Variants in PCDHGB4 observed in about 807,000 individuals in gnomAD.
The protein encoded by PCDHGB4 is protocadherin gamma subfamily B, 4.
A neutral mutation model predicts 60.5 loss-of-function variants in PCDHGB4; 38 were observed. The ratio of observed to expected loss-of-function variants is 0.63; its 90% CI spans 0.48 to 0.82. PCDHGB4 has a LOEUF of 0.82. Ranked by LOEUF, PCDHGB4 falls within the 40% of genes least tolerant of loss-of-function variation. PCDHGB4 has a pLI of 0.00. For synonymous variants in PCDHGB4, 456 were observed against 509.7 expected, an observed-to-expected ratio of 0.89 and a Z score of 1.42; for missense variants, 1,109 against 1,209.6, an observed-to-expected ratio of 0.92 and a Z score of 1.23.
rs1167955962 is a variant in PCDHGB4, at chr5:141,477,078, A to G, written c.2398-17729A>G. ...GAGGACACCAAACTCCATGAGATTT[A>G]CATCCAGGCCAAAGACAAGGGCGCC... On this transcript the variant is annotated intron_variant, in intron 1 of 3. Transcript: ENST00000519479. This position sits in a 1 kb window ranked among gnomAD's most constrained non-coding sequence, Gnocchi z 4.9. The G allele has an allele frequency of 6.8e-6, 11 of 1,614,262 alleles. No individual in the cohort carries two copies. In the South Asian group the frequency reaches 1.2e-4, roughly 18 times the overall value.
At position 141,486,960 on chromosome 5, in the gene PCDHGB4, T is replaced by C; in HGVS notation, c.2398-7847T>C. On this transcript the variant is annotated intron_variant, in intron 1 of 3. Transcript: ENST00000519479. The surrounding 1 kb of genome is among the most constrained non-coding windows in gnomAD (Gnocchi z 5.0). Reference sequence around the variant, plus strand: ...CACCTAATCACAAAGGTGACTGCTGTGGACTTGGATTCAGGTTACAATGCT... The same window carrying C: ...CACCTAATCACAAAGGTGACTGCTGCGGACTTGGATTCAGGTTACAATGCT... The C allele has an allele frequency of 6.2e-7, 1 of 1,614,228 alleles. No individual in the cohort carries two copies. Among genetic ancestry groups the C allele is most frequent in the Non-Finnish European group, 8.5e-7 (1 of 1,180,034 alleles).
At position 141,511,219 on chromosome 5, in the gene PCDHGB4, G is replaced by A. The variant is rs1467284181; in HGVS notation, c.*46G>A. On this transcript the variant is annotated 3_prime_UTR_variant, in exon 4 of 4. Coordinates refer to ENST00000519479, the MANE Select transcript of PCDHGB4 (RefSeq NM_003736.4). ...CCACAGGGCGGCCTCTCCCCAACCA[G>A]CCCAGCTTCTCCTTACCTGCACCCA... 5 of 1,606,366 alleles carry A rather than the reference G, an allele frequency of 3.1e-6. No individual in the cohort carries two copies. The highest frequency in any genetic ancestry group is 2.7e-5 in the African/African-American group (2 of 74,686).
intron 1 of PCDHGB4, chr5:141,415,641 TAAA>T: frequency 7.8e-7 from 1 of 1,280,840 alleles, no homozygotes; most frequent in African/African-American, 1.5e-5. Context: ...TTACTTTTGT[TAAA>T]AAAAAAAAGA....
intron 1 of PCDHGB4, chr5:141,423,090 G>GT (rs2096707772): frequency 2.5e-6 from 4 of 1,613,904 alleles, no homozygotes; most frequent in African/African-American, 2.7e-5. Flanking sequence ...TCGCGGTGGG[G>GT]GAGCACACGG....
intron 1 of PCDHGB4, chr5:141,418,184 G>A: frequency 6.2e-7 from 1 of 1,614,096 alleles, no homozygotes; most frequent in Non-Finnish European, 8.5e-7. Flanking sequence ...ATTGGAAGCT[G>A]TGGTGGAAAA....
chr5:141,417,842 C>G (rs1247720013), intron 1 of PCDHGB4: 2 of 1,537,166 alleles, frequency 1.3e-6, no homozygotes, highest in Admixed American at 2.0e-5. Flanking sequence ...GGGGACCCAG[C>G]GAGAACCCGA....
In PCDHGB4 at chr5:141,476,599, TC is replaced by T; in HGVS notation, c.2398-18205del. The T allele has an allele frequency of 6.2e-7, 1 of 1,614,210 alleles. No individual in the cohort carries two copies. ...GCTTTCCGCTCGAGAGCGCGCACGA[TC>T]CCGATGTGGGAAGCAACTCTTTACA... is the stretch of plus-strand genomic sequence containing the variant. On this transcript the variant is annotated intron_variant, in intron 1 of 3. Transcript: ENST00000519479. This position sits in a 1 kb window ranked among gnomAD's most constrained non-coding sequence, Gnocchi z 7.6.
chr5:141,407,947 G>C (rs910743144), intron 1 of PCDHGB4: 7 of 561,352 alleles, frequency 1.2e-5, no homozygotes, highest in South Asian at 3.4e-5. Context: ...CGCCGCTGTC[G>C]GCCAGTGCAG....
chr5:141,466,450 G>A lies in PCDHGB4; in HGVS notation c.2398-28357G>A, dbSNP rs139024933. Reference sequence around the variant, plus strand: ...TAAGCTGAACCGAGATGTCTATGGTGTTGGCTATTGTTTCTGCTGTTAATT... The same window carrying A: ...TAAGCTGAACCGAGATGTCTATGGTATTGGCTATTGTTTCTGCTGTTAATT... On this transcript the variant is annotated intron_variant, in intron 1 of 3. Coordinates refer to ENST00000519479, the MANE Select transcript of PCDHGB4 (RefSeq NM_003736.4). Among the ~76,000 whole-genome samples, 714 of 152,290 alleles carry A rather than the reference G, an allele frequency of 4.7e-3. 2 individuals are homozygous for A. Among genetic ancestry groups the A allele is most frequent in the Non-Finnish European group, 7.0e-3 (479 of 68,028 alleles).
chr5:141,478,635 A>T, intron 1 of PCDHGB4: 1 of 1,552,830 alleles, frequency 6.4e-7, no homozygotes, highest in Non-Finnish European at 8.7e-7. Context: ...TTTTTTAGTG[A>T]TGAAGATGTT....
intron 1 of PCDHGB4, chr5:141,404,821 A>C: frequency 6.2e-7 from 1 of 1,613,788 alleles, no homozygotes; most frequent in Non-Finnish European, 8.5e-7. Flanking sequence ...GGCTGCACAC[A>C]GGTGAAGTGC....
At chr5:141,499,343 G>C (rs1184175548) in intron 2 of PCDHGB4, among the ~76,000 whole-genome samples, 1 of 152,146 alleles carries the variant, frequency 6.6e-6, no homozygotes, top group Non-Finnish European at 1.5e-5. Context: ...AGTTTGGGCA[G>C]TCATTCAACA....
rs552812176 is a variant in PCDHGB4, at chr5:141,497,407, A to G, written c.2456+2542A>G. Among the ~76,000 whole-genome samples, 43 of 152,204 alleles carry G rather than the reference A, an allele frequency of 2.8e-4. No individual in the cohort carries two copies. In the Middle Eastern group the frequency reaches 0.01, roughly 36 times the overall value. The stretch of plus-strand genomic sequence containing the variant: ...GCACCTTACCCCTGCCTCAACTCCC[A>G]TTCCATCAAATGAGAGGCTTAGTGG... On this transcript the variant is annotated intron_variant, in intron 2 of 3. Coordinates refer to ENST00000519479, the MANE Select transcript of PCDHGB4 (RefSeq NM_003736.4).
intron 1 of PCDHGB4, among the ~76,000 whole-genome samples, chr5:141,472,122 G>A (rs898092092): frequency 6.6e-6 from 1 of 152,176 alleles, no homozygotes; most frequent in African/African-American, 2.4e-5. Flanking sequence ...GAAAATAAAA[G>A]AGAAGTTAAA....
Position 141,487,226 on chromosome 5 carries a change from G to A in PCDHGB4, c.2398-7581G>A. ...TCGAGAATCTTCAGCTCCAAGGGAA[G>A]GAGAATCTCGTCTAACCCTCTACTT... is the stretch of plus-strand genomic sequence containing the variant. On this transcript the variant is annotated intron_variant, in intron 1 of 3. Transcript: ENST00000519479. This position sits in a 1 kb window ranked among gnomAD's most constrained non-coding sequence, Gnocchi z 5.0. The A allele has an allele frequency of 6.2e-7, 1 of 1,614,104 alleles. No individual in the cohort carries two copies. Among genetic ancestry groups the A allele is most frequent in the South Asian group, 1.1e-5 (1 of 91,074 alleles).
chr5:141,422,043 G>A (rs1307532347), intron 1 of PCDHGB4: 13 of 1,611,504 alleles, frequency 8.1e-6, no homozygotes, highest in African/African-American at 1.3e-5. Flanking sequence ...ATCCAGACGA[G>A]GGAATCAACG....
chr5:141,495,465 G>T (rs563411010), intron 2 of PCDHGB4, among the ~76,000 whole-genome samples: 11 of 152,298 alleles, frequency 7.2e-5, no homozygotes, highest in African/African-American at 2.4e-4. Flanking sequence ...TGTCTGTGGG[G>T]TCTCCGTGTC....
At chr5:141,478,039 G>A (rs764777183) in intron 1 of PCDHGB4, 29 of 1,613,978 alleles carry the variant, frequency 1.8e-5, no homozygotes, top group Non-Finnish European at 2.5e-5. Flanking sequence ...ATTCACCCAG[G>A]CAGACTCTCA....
chr5:141,460,981 G>GTA (rs1491204135), intron 1 of PCDHGB4, among the ~76,000 whole-genome samples: 1,658 of 121,856 alleles, frequency 0.014, 27 homozygotes, highest in African/African-American at 0.051. Flanking sequence ...GTGTGTGTGT[G>GTA]TGTATATATA....
Sources: allele counts gnomAD v4.1 joint callset (sites outside exome capture counted in the v4.1 genomes callset), GRCh38; gene constraint gnomAD v4.1.1; non-coding constraint Gnocchi (gnomAD v3.1); transcripts MANE v1.5; gene names NCBI Gene and HGNC (gene_info 2026-07-23, HGNC 2026-07-21).